The following KBTBD2 variants were observed in gnomAD, a reference collection of about 807,000 sequenced individuals.
KBTBD2 encodes kelch repeat and BTB domain-containing protein 2.
Under a neutral mutation model 57.1 loss-of-function variants are expected in KBTBD2, and 17 were observed. The observed-to-expected ratio is 0.30, with a 90% CI of 0.20 to 0.45. The LOEUF (loss-of-function observed/expected upper bound fraction) is 0.45, where lower values mean the gene tolerates loss of function less well. Ranked by LOEUF, KBTBD2 falls within the 20% of genes least tolerant of loss-of-function variation. The probability of loss-of-function intolerance (pLI) is 1.00; values close to 1 mark genes in which losing one functional copy is unlikely to be tolerated. For missense variants in KBTBD2, 515 were observed against 750.6 expected, an observed-to-expected ratio of 0.69 and a Z score of 3.67; for synonymous variants, 267 against 262.7, an observed-to-expected ratio of 1.02 and a Z score of -0.16.
Position 32,870,164 on chromosome 7 carries a change from A to G in KBTBD2, c.1053T>C (p.Tyr351=). 6.2e-7 allele frequency: 1 copy of G among 1,614,184 alleles called. No individual in the cohort carries two copies. The highest frequency in any genetic ancestry group is 8.5e-7 in the Non-Finnish European group (1 of 1,180,024). The change falls in exon 4 of 4, where the codon TAT becomes TAC. Residue 351 remains tyrosine, a synonymous_variant. Coordinates refer to ENST00000304056, the MANE Select transcript of KBTBD2 (RefSeq NM_015483.3). ...QTAFRTVNCF[Y]WFDAQQNTWF... is the part of the protein sequence containing the mutation. ...AGGTATTTTGCTGTGCATCAAACCAATAAAAGCAATTCACAGTTCTGAAGG... is the reference window on the plus strand; with the variant it reads ...AGGTATTTTGCTGTGCATCAAACCAGTAAAAGCAATTCACAGTTCTGAAGG...
At chr7:32,881,922 T>C (rs985254442) in intron 1 of KBTBD2, among the ~76,000 whole-genome samples, 1 of 152,232 alleles carries the variant, frequency 6.6e-6, no homozygotes, top group Non-Finnish European at 1.5e-5. Context: ...GTGACACATG[T>C]ACCCTACATT....
Position 32,875,366 on chromosome 7 carries a change from T to A in KBTBD2, c.171-209A>T, listed in dbSNP as rs112937828. Among the ~76,000 whole-genome samples the A allele has an allele frequency of 1.4e-3, 210 of 152,226 alleles. 1 individual carries two copies. The highest frequency in any genetic ancestry group is 4.9e-3 in the African/African-American group (203 of 41,546). On this transcript the variant is annotated intron_variant, in intron 2 of 3. Coordinates refer to ENST00000304056, the MANE Select transcript of KBTBD2 (RefSeq NM_015483.3). ...GGCTCACCACAGCCTTGACCTTCTG[T>A]GCTCAAACGATTCTCCTCAGTCTCC...
At chr7:32,891,393 G>A (rs1446981597) in intron 1 of KBTBD2, 143 bp downstream of exon 1, 5 of 149,476 alleles carry the variant, frequency 3.3e-5, no homozygotes, top group South Asian at 2.1e-4. Flanking sequence ...AAGCGTCTCG[G>A]GTTTGAAAGA....
rs1013462397 is a variant in KBTBD2, at chr7:32,891,637, GGCCTC to G, written c.-445_-441del. 2 of 149,252 alleles carry G rather than the reference GGCCTC, an allele frequency of 1.3e-5. No homozygotes were observed. Among genetic ancestry groups the G allele is most frequent in the African/African-American group, 4.9e-5 (2 of 40,726 alleles). The allele number at this position is 149,252 out of a possible 1,614,324, so 9.2% of individuals were successfully genotyped here. Reference sequence around the variant, plus strand: ...GGCGGGGGCGTGGCCCTCCCGCCGCGGCCTCGCCTGGGGTCTCGCCTCCGCCTCCG... The same window carrying G: ...GGCGGGGGCGTGGCCCTCCCGCCGCGGCCTGGGGTCTCGCCTCCGCCTCCG... On this transcript the variant is annotated 5_prime_UTR_variant, in exon 1 of 4. Transcript: ENST00000304056.
At chr7:32,875,776 G>A (rs1019398010) in intron 2 of KBTBD2, among the ~76,000 whole-genome samples, 1 of 152,098 alleles carries the variant, frequency 6.6e-6, no homozygotes, top group East Asian at 1.9e-4. Context: ...TATGCTCAGT[G>A]AAAGAAGCCA....
intron 1 of KBTBD2, among the ~76,000 whole-genome samples, chr7:32,885,221 T>C (rs1396480816): frequency 1.3e-5 from 2 of 151,720 alleles, no homozygotes; most frequent in Admixed American, 6.6e-5. Context: ...CTAAAATACG[T>C]ACCTCAAGTT....
chr7:32,880,863 T>C (rs1229970866), intron 1 of KBTBD2, among the ~76,000 whole-genome samples: 1 of 151,920 alleles, frequency 6.6e-6, no homozygotes, highest in African/African-American at 2.4e-5. Flanking sequence ...AGCACTTTGG[T>C]AGGCCGAGGC....
intron 1 of KBTBD2, among the ~76,000 whole-genome samples, chr7:32,889,080 G>A (rs1287029147): frequency 4.6e-5 from 7 of 152,072 alleles, no homozygotes; most frequent in East Asian, 1.9e-4. Context: ...TTGGGAGGCC[G>A]AGGCGGGCAG....
chr7:32,886,661 A>G (rs1326921915), intron 1 of KBTBD2, among the ~76,000 whole-genome samples: 3 of 152,194 alleles, frequency 2.0e-5, no homozygotes, highest in African/African-American at 7.2e-5. Flanking sequence ...AACAAATTTA[A>G]GTTGGTTGTC....
intron 3 of KBTBD2, among the ~76,000 whole-genome samples, chr7:32,871,844 AAC>A (rs35872219): frequency 0.48 from 73,136 of 151,544 alleles, 19,261 homozygotes; most frequent in African/African-American, 0.71. Flanking sequence ...CTTCCAGGGC[AAC>A]ACAGTCTAAG....
At chr7:32,875,882 C>G (rs1284863257) in intron 2 of KBTBD2, among the ~76,000 whole-genome samples, 1 of 152,022 alleles carries the variant, frequency 6.6e-6, no homozygotes, top group East Asian at 1.9e-4. Flanking sequence ...TTCCTTAGAA[C>G]TGTAAGAATG....
At chr7:32,889,341 G>A (rs1411470442) in intron 1 of KBTBD2, among the ~76,000 whole-genome samples, 1 of 150,684 alleles carries the variant, frequency 6.6e-6, no homozygotes, top group African/African-American at 2.4e-5. Context: ...GGTAGCTCAC[G>A]CCTGTAATCC....
At chr7:32,882,096 T>A (rs1784458492) in intron 1 of KBTBD2, among the ~76,000 whole-genome samples, 1 of 152,202 alleles carries the variant, frequency 6.6e-6, no homozygotes, top group Non-Finnish European at 1.5e-5. Flanking sequence ...AACTTGATTT[T>A]TCAGAGCTTT....
At position 32,870,495 on chromosome 7, in the gene KBTBD2, T is replaced by C. The variant is rs763003193; in HGVS notation, c.722A>G (p.Asp241Gly). Residue 241 changes from aspartate (D) to glycine (G), a missense_variant, in exon 4 of 4, where the codon GAT becomes GGT. Asp to Gly is a moderately conservative substitution (Grantham distance 94). Coordinates refer to ENST00000304056, the MANE Select transcript of KBTBD2 (RefSeq NM_015483.3). ...RAWFQGLPPN[D>G]KSVVVQGLYK... ...CAGACCTTGAACCACCACTGACTTA[T>C]CATTGGGTGGCAGACCTTGAAACCA... The C allele has an allele frequency of 1.2e-6, 2 of 1,614,024 alleles. No homozygotes were observed. Among genetic ancestry groups the C allele is most frequent in the South Asian group, 1.1e-5 (1 of 91,060 alleles).
intron 1 of KBTBD2, among the ~76,000 whole-genome samples, chr7:32,888,115 A>G (rs970673): frequency 0.48 from 73,596 of 152,074 alleles, 19,463 homozygotes; most frequent in African/African-American, 0.71. Flanking sequence ...ATTTTACATA[A>G]GAGAAATCCA....
At chr7:32,871,712 G>GT (rs1422132728) in intron 3 of KBTBD2, among the ~76,000 whole-genome samples, 1 of 152,100 alleles carries the variant, frequency 6.6e-6, no homozygotes, top group Non-Finnish European at 1.5e-5. Context: ...AATGAGCCCT[G>GT]TAAGGATCAG....
chr7:32,884,978 A>ATG (rs764055592), intron 1 of KBTBD2, among the ~76,000 whole-genome samples: 2 of 126,234 alleles, frequency 1.6e-5, no homozygotes, highest in Admixed American at 1.5e-4. Flanking sequence ...ATGTGTGTGT[A>ATG]TATATATATA....
chr7:32,874,117 GC>G (rs1451769719), intron 3 of KBTBD2, among the ~76,000 whole-genome samples: 2 of 151,604 alleles, frequency 1.3e-5, no homozygotes, highest in East Asian at 3.9e-4. Flanking sequence ...AAAAATATTG[GC>G]CCAGGGAGTG....
At chr7:32,882,791 C>G (rs1784476010) in intron 1 of KBTBD2, among the ~76,000 whole-genome samples, 1 of 151,246 alleles carries the variant, frequency 6.6e-6, no homozygotes, top group African/African-American at 2.4e-5. Flanking sequence ...CAAGACCAGC[C>G]TGGCCAACAT....
Sources: gnomAD v4.1 joint callset for allele counts (sites outside exome capture counted in the v4.1 genomes callset) on GRCh38, gnomAD v4.1.1 for gene constraint, MANE v1.5 for transcripts, NCBI Gene and HGNC (gene_info 2026-07-23, HGNC 2026-07-21) for gene names.